ETV1: variants seen among roughly 807,000 people sequenced by gnomAD.
The protein encoded by ETV1 is ETS translocation variant 1.
In ETV1, 27 loss-of-function variants were observed where a neutral mutation model predicts 62.3. The ratio of observed to expected loss-of-function variants is 0.43; its 90% CI spans 0.32 to 0.60. The LOEUF is 0.60. Among genes scored for constraint, ETV1 ranks in the 20% least tolerant of loss-of-function variants. The pLI is 0.06. For missense variants in ETV1, 605 were observed against 605.8 expected (o/e 1.00, Z 0.01); for synonymous variants, 222 against 199.6 (o/e 1.11, Z -0.94).
chr7:13,982,432 T>C (rs1003425571), intron 5 of ETV1, among the ~76,000 whole-genome samples: 46 of 152,198 alleles, frequency 3.0e-4, no homozygotes, highest in African/African-American at 1.1e-3. Context: ...CCTATTTTTC[T>C]ATTTTTAAAA....
intron 6 of ETV1, among the ~76,000 whole-genome samples, chr7:13,965,453 A>T (rs1790675368): frequency 6.7e-6 from 1 of 148,498 alleles, no homozygotes; most frequent in South Asian, 2.1e-4. Context: ...AGCCACGCAG[A>T]TTTTTTTTTT....
intron 9 of ETV1, among the ~76,000 whole-genome samples, chr7:13,911,850 G>T (rs76251166): frequency 0.052 from 7,873 of 152,220 alleles, 239 homozygotes; most frequent in South Asian, 0.11. Context: ...CCTGATATCT[G>T]CATTTATAAT....
intron 12 of ETV1, among the ~76,000 whole-genome samples, chr7:13,901,658 C>T (rs898566034): frequency 2.0e-5 from 3 of 152,108 alleles, no homozygotes; most frequent in African/African-American, 4.8e-5. Flanking sequence ...AAACAGTACA[C>T]AAATTAATAA....
chr7:13,938,895 A>T (rs926187669), intron 7 of ETV1, among the ~76,000 whole-genome samples: 3 of 152,256 alleles, frequency 2.0e-5, no homozygotes, highest in African/African-American at 7.2e-5. Context: ...ACAGTAGAAA[A>T]GCAACTAATG....
At chr7:13,939,882 C>T (rs1787278577) in intron 6 of ETV1, among the ~76,000 whole-genome samples, 1 of 152,196 alleles carries the variant, frequency 6.6e-6, no homozygotes, top group African/African-American at 2.4e-5. Context: ...TTGTTTGTCA[C>T]ATGTAATCTA....
chr7:13,920,375 G>A (rs1379543966), intron 9 of ETV1, among the ~76,000 whole-genome samples: 1 of 152,116 alleles, frequency 6.6e-6, no homozygotes, highest in Non-Finnish European at 1.5e-5. Context: ...ACTGGCATAA[G>A]CAGCAGCTGA....
intron 6 of ETV1, among the ~76,000 whole-genome samples, chr7:13,961,374 C>T (rs995226965): frequency 6.6e-5 from 10 of 152,078 alleles, no homozygotes; most frequent in Non-Finnish European, 1.3e-4. Context: ...CATTTTAAAG[C>T]TGAATACCAC....
At chr7:13,976,969 A>G (rs1781507780) in intron 6 of ETV1, among the ~76,000 whole-genome samples, 1 of 152,218 alleles carries the variant, frequency 6.6e-6, no homozygotes, top group Non-Finnish European at 1.5e-5. Flanking sequence ...ACAATACTAC[A>G]ATAAGCCAAT....
At chr7:13,965,507 A>G (rs2128487743) in intron 6 of ETV1, among the ~76,000 whole-genome samples, 1 of 151,990 alleles carries the variant, frequency 6.6e-6, no homozygotes, top group Non-Finnish European at 1.5e-5. Context: ...TAGTCTGAGT[A>G]TTGGCTATCA....
chr7:13,931,953 G>C (rs1043146951), intron 8 of ETV1, among the ~76,000 whole-genome samples: 1 of 151,816 alleles, frequency 6.6e-6, no homozygotes, highest in African/African-American at 2.4e-5. Flanking sequence ...TTTCTAATCA[G>C]TCTTTTGCAG....
intron 6 of ETV1, among the ~76,000 whole-genome samples, chr7:13,969,148 G>C (rs911128777): frequency 1.3e-5 from 2 of 152,040 alleles, no homozygotes; most frequent in African/African-American, 4.8e-5. Context: ...TCAATGCCTT[G>C]GCTCTCTCTA....
intron 6 of ETV1, among the ~76,000 whole-genome samples, chr7:13,941,950 G>C (rs1237994482): frequency 6.6e-6 from 1 of 151,426 alleles, no homozygotes. Flanking sequence ...CGTGTTGTCT[G>C]TGTGTAGGCG....
chr7:13,968,369 T>G (rs192488866), intron 6 of ETV1, among the ~76,000 whole-genome samples: 1 of 151,976 alleles, frequency 6.6e-6, no homozygotes, highest in African/African-American at 2.4e-5. Context: ...ATTTTAGTTT[T>G]TGGTTTTCAT....
chr7:13,919,958 A>G (rs1251541932), intron 9 of ETV1, among the ~76,000 whole-genome samples: 6 of 152,140 alleles, frequency 3.9e-5, no homozygotes, highest in African/African-American at 1.4e-4. Flanking sequence ...TTAATTTCAA[A>G]TCTCAGTTCC....
intron 6 of ETV1, among the ~76,000 whole-genome samples, chr7:13,974,613 G>C (rs377060694): frequency 6.6e-6 from 1 of 152,198 alleles, no homozygotes; most frequent in African/African-American, 2.4e-5. Context: ...AGGGATGAAG[G>C]AGAGGCCATG....
At chr7:13,971,577 G>A (rs187745190) in intron 6 of ETV1, among the ~76,000 whole-genome samples, 6 of 152,294 alleles carry the variant, frequency 3.9e-5, no homozygotes, top group African/African-American at 1.4e-4. Flanking sequence ...GTAAGACAAA[G>A]CAGTAGAGTT....
intron 4 of ETV1, 40 bp downstream of exon 4, chr7:13,988,046 A>T: frequency 9.2e-7 from 1 of 1,091,224 alleles, no homozygotes; most frequent in Non-Finnish European, 1.4e-6. Flanking sequence ...TGGAGAGTGT[A>T]GGTAAAAAAA....
chr7:13,903,477 T>C (rs935418282), intron 12 of ETV1, among the ~76,000 whole-genome samples: 5 of 151,832 alleles, frequency 3.3e-5, no homozygotes, highest in Admixed American at 1.3e-4. Context: ...AATAATTGTT[T>C]CCCGGCCGGG....
At chr7:13,975,638 G>A (rs1246850367) in intron 6 of ETV1, among the ~76,000 whole-genome samples, 9 of 148,630 alleles carry the variant, frequency 6.1e-5, no homozygotes, top group African/African-American at 2.2e-4. Context: ...GGAAAGAAGA[G>A]GTCCACAAAG....
Sources: gnomAD v4.1 joint callset for allele counts (sites outside exome capture counted in the v4.1 genomes callset) on GRCh38, gnomAD v4.1.1 for gene constraint, MANE v1.5 for transcripts, NCBI Gene and HGNC (gene_info 2026-07-23, HGNC 2026-07-21) for gene names.